GFRA1: variants seen among roughly 807,000 people sequenced by gnomAD.
GFRA1 encodes the protein GDNF family receptor alpha 1.
Under a neutral mutation model 51.6 loss-of-function variants are expected in GFRA1, and 16 were observed. The ratio of observed to expected loss-of-function variants is 0.31; its 90% CI spans 0.21 to 0.47. The LOEUF (loss-of-function observed/expected upper bound fraction) is 0.47, where lower values mean the gene tolerates loss of function less well. Ranked by LOEUF, GFRA1 falls within the 20% of genes least tolerant of loss-of-function variation. The pLI, the probability that GFRA1 is intolerant of heterozygous loss-of-function variation, is 1.00. For missense variants in GFRA1, 530 were observed against 594.3 expected (o/e 0.89, Z 1.13); for synonymous variants, 270 against 241.3 (o/e 1.12, Z -1.10).
intron 5 of GFRA1, among the ~76,000 whole-genome samples, chr10:116,158,765 G>T (rs904526152): frequency 1.3e-5 from 2 of 152,210 alleles, no homozygotes; most frequent in African/African-American, 4.8e-5. Flanking sequence ...GAGGTGCTCT[G>T]CAGAAAGCTG....
chr10:116,107,712 G>T (rs1957057442), intron 6 of GFRA1, among the ~76,000 whole-genome samples: 1 of 152,174 alleles, frequency 6.6e-6, no homozygotes, highest in Admixed American at 6.5e-5. Flanking sequence ...CCCTCAGAAG[G>T]AAGTGTTGAG....
At chr10:116,235,291 A>G (rs1966854277) in intron 4 of GFRA1, among the ~76,000 whole-genome samples, 3 of 152,172 alleles carry the variant, frequency 2.0e-5, no homozygotes, top group Admixed American at 2.0e-4. Context: ...TAGCTAGAGT[A>G]TTTTTAGGCT....
At chr10:116,248,397 G>C (rs1289215647) in intron 4 of GFRA1, among the ~76,000 whole-genome samples, 2 of 152,196 alleles carry the variant, frequency 1.3e-5, no homozygotes, top group Non-Finnish European at 2.9e-5. Context: ...TACAGGGCAT[G>C]AAGGGGATGC....
chr10:116,162,346 G>A (rs1959909436), intron 5 of GFRA1, among the ~76,000 whole-genome samples: 1 of 152,222 alleles, frequency 6.6e-6, no homozygotes, highest in South Asian at 2.1e-4. Flanking sequence ...TCAGAGTCCA[G>A]GGGATGTATC....
intron 5 of GFRA1, among the ~76,000 whole-genome samples, chr10:116,187,041 C>T (rs1028550961): frequency 7.2e-5 from 11 of 152,192 alleles, no homozygotes; most frequent in African/African-American, 2.4e-4. Flanking sequence ...GAAGGAATAA[C>T]GTGAGGTTTT....
chr10:116,147,994 C>G (rs1227856048), intron 5 of GFRA1, among the ~76,000 whole-genome samples: 1 of 141,184 alleles, frequency 7.1e-6, no homozygotes, highest in Non-Finnish European at 1.6e-5. Flanking sequence ...GTGGTTTTAT[C>G]TAGTGTGAAG....
intron 4 of GFRA1, among the ~76,000 whole-genome samples, chr10:116,249,714 C>CTCAT (rs1968162798): frequency 6.6e-6 from 1 of 152,158 alleles, no homozygotes. Context: ...CATTTGTTCA[C>CTCAT]TCATTCATTC....
intron 6 of GFRA1, among the ~76,000 whole-genome samples, chr10:116,120,761 T>G (rs531804821): frequency 6.6e-6 from 1 of 152,320 alleles, no homozygotes; most frequent in African/African-American, 2.4e-5. Context: ...AAACAATGGC[T>G]GCATAGGTGA....
chr10:116,200,095 A>T (rs1162208320), intron 5 of GFRA1, among the ~76,000 whole-genome samples: 1 of 152,170 alleles, frequency 6.6e-6, no homozygotes, highest in African/African-American at 2.4e-5. Context: ...TGAGTATCAC[A>T]GTTTGTCCTT....
At chr10:116,120,678 T>G (rs1248741090) in intron 6 of GFRA1, among the ~76,000 whole-genome samples, 2 of 152,196 alleles carry the variant, frequency 1.3e-5, no homozygotes, top group African/African-American at 2.4e-5. Context: ...ACTACTGGTG[T>G]TCAAGGTGGA....
intron 4 of GFRA1, among the ~76,000 whole-genome samples, chr10:116,250,063 G>A (rs1968198550): frequency 6.6e-6 from 1 of 152,170 alleles, no homozygotes; most frequent in South Asian, 2.1e-4. Context: ...GAAGGCAAGG[G>A]CAAAGGCTTT....
intron 4 of GFRA1, among the ~76,000 whole-genome samples, chr10:116,264,260 C>T (rs1172368986): frequency 6.6e-6 from 1 of 152,114 alleles, no homozygotes. Context: ...GCAAAGGTCC[C>T]CAAGCCTACC....
chr10:116,109,887 T>C (rs1957140995), intron 6 of GFRA1, among the ~76,000 whole-genome samples: 1 of 152,128 alleles, frequency 6.6e-6, no homozygotes, highest in Admixed American at 6.5e-5. Flanking sequence ...TCTCTCTGCA[T>C]CTCAGTCTCC....
chr10:116,174,694 T>C (rs1403803625), intron 5 of GFRA1, among the ~76,000 whole-genome samples: 1 of 152,218 alleles, frequency 6.6e-6, no homozygotes, highest in East Asian at 1.9e-4. Context: ...AGTCAGATAA[T>C]ATACTACTAG....
chr10:116,269,888 TCA>T, intron 3 of GFRA1, among the ~76,000 whole-genome samples: 1 of 152,164 alleles, frequency 6.6e-6, no homozygotes, highest in African/African-American at 2.4e-5. Context: ...GCCGGTGACG[TCA>T]CGAGCCCTGC....
chr10:116,246,947 G>A (rs1967913384), intron 4 of GFRA1, among the ~76,000 whole-genome samples: 1 of 152,130 alleles, frequency 6.6e-6, no homozygotes, highest in Admixed American at 6.5e-5. Context: ...CAAAAACAAA[G>A]AATGCCCATC....
intron 5 of GFRA1, among the ~76,000 whole-genome samples, chr10:116,194,812 C>T (rs1405755185): frequency 6.6e-6 from 1 of 152,176 alleles, no homozygotes; most frequent in African/African-American, 2.4e-5. Flanking sequence ...ATTCCCCACA[C>T]AGACTGAGAA....
intron 5 of GFRA1, among the ~76,000 whole-genome samples, chr10:116,177,357 A>G (rs549585654): frequency 5.9e-5 from 9 of 152,296 alleles, no homozygotes; most frequent in African/African-American, 2.2e-4. Flanking sequence ...GCCCTGGGCT[A>G]AGAGAACAGA....
At position 116,270,907 on chromosome 10, in the gene GFRA1, C is replaced by CG; in HGVS notation, c.248dup (p.Leu84AlafsTer31). The CG allele has an allele frequency of 6.2e-7, 1 of 1,614,112 alleles. No individual in the cohort carries two copies. Among genetic ancestry groups the CG allele is most frequent in the African/African-American group, 1.3e-5 (1 of 75,080 alleles). Reference sequence around the variant, plus strand: ...CCCGCTTGCAGCGGCAGTTGTAGAGCGACTTCTGCTTCAGGGCCTCCATGG... The same window carrying CG: ...CCCGCTTGCAGCGGCAGTTGTAGAGCGGACTTCTGCTTCAGGGCCTCCATGG... On this transcript the variant is annotated frameshift_variant, in exon 3 of 11. Transcript: ENST00000355422. LOFTEE classifies it high-confidence loss of function.
Sources: gnomAD v4.1 joint callset for allele counts (sites outside exome capture counted in the v4.1 genomes callset) on GRCh38, gnomAD v4.1.1 for gene constraint, MANE v1.5 for transcripts, NCBI Gene and HGNC (gene_info 2026-07-23, HGNC 2026-07-21) for gene names.